The following TRAM2 variants were observed in gnomAD, a reference collection of about 807,000 sequenced individuals.
TRAM2 encodes the protein translocating chain-associated membrane protein 2.
In TRAM2, 12 loss-of-function variants were observed where a neutral mutation model predicts 51.0. The ratio of observed to expected loss-of-function variants is 0.24; its 90% CI spans 0.15 to 0.38. The LOEUF (loss-of-function observed/expected upper bound fraction) is 0.38, where lower values mean the gene tolerates loss of function less well. Among genes scored for constraint, TRAM2 ranks in the 10% least tolerant of loss-of-function variants. The probability of loss-of-function intolerance (pLI) is 1.00; values close to 1 mark genes in which losing one functional copy is unlikely to be tolerated. For missense variants in TRAM2, 361 were observed against 462.0 expected (o/e 0.78, Z 2.00); for synonymous variants, 175 against 179.4 (o/e 0.98, Z 0.20).
intron 1 of TRAM2, among the ~76,000 whole-genome samples, chr6:52,549,446 G>A (rs988426087): frequency 1.3e-5 from 2 of 152,148 alleles, no homozygotes; most frequent in African/African-American, 2.4e-5. Flanking sequence ...AGGCAACATC[G>A]TAACATAAAA....
At chr6:52,518,773 T>G (rs771833497) in intron 2 of TRAM2, among the ~76,000 whole-genome samples, 4 of 152,186 alleles carry the variant, frequency 2.6e-5, no homozygotes, top group African/African-American at 7.2e-5. Flanking sequence ...ACGCCAGGAT[T>G]ACATTTTCCT....
intron 2 of TRAM2, among the ~76,000 whole-genome samples, chr6:52,533,862 C>T (rs537508680): frequency 1.3e-5 from 2 of 152,180 alleles, no homozygotes; most frequent in East Asian, 1.9e-4. Context: ...GAGGCTGAGG[C>T]GGGTAGATTA....
intron 2 of TRAM2, among the ~76,000 whole-genome samples, chr6:52,534,165 T>C (rs1330653603): frequency 1.3e-5 from 2 of 150,268 alleles, no homozygotes; most frequent in Non-Finnish European, 2.9e-5. Context: ...GCAGATCACC[T>C]GAGGTCGGAA....
At chr6:52,541,564 G>A (rs771899182) in intron 1 of TRAM2, among the ~76,000 whole-genome samples, 1 of 152,168 alleles carries the variant, frequency 6.6e-6, no homozygotes, top group Admixed American at 6.5e-5. Flanking sequence ...TTCACTTTGT[G>A]AAGATAAGGT....
At chr6:52,562,079 T>G (rs1343145045) in intron 1 of TRAM2, among the ~76,000 whole-genome samples, 1 of 134,852 alleles carries the variant, frequency 7.4e-6, no homozygotes, top group East Asian at 2.2e-4. Context: ...AATTTAAAAA[T>G]GCAAAAAAAA....
At chr6:52,522,832 C>T (rs1766700909) in intron 2 of TRAM2, 1 of 691,132 alleles carries the variant, frequency 1.4e-6, no homozygotes, top group African/African-American at 1.8e-5. Context: ...TTCTGCTTGA[C>T]CTCCTGCTCC....
chr6:52,505,541 G>A (rs1766331359), intron 9 of TRAM2, 58 bp downstream of exon 9: 1 of 1,538,100 alleles, frequency 6.5e-7, no homozygotes, highest in African/African-American at 1.4e-5. Context: ...TTCTGCAAGG[G>A]CTGTGCCAAG....
intron 1 of TRAM2, among the ~76,000 whole-genome samples, chr6:52,560,736 C>T (rs1196283527): frequency 6.6e-6 from 1 of 152,184 alleles, no homozygotes; most frequent in Non-Finnish European, 1.5e-5. Flanking sequence ...CTCTCAATAA[C>T]CAGCACTGCT....
intron 1 of TRAM2, among the ~76,000 whole-genome samples, chr6:52,541,407 C>T (rs1415911213): frequency 1.3e-5 from 2 of 152,176 alleles, no homozygotes; most frequent in Non-Finnish European, 2.9e-5. Flanking sequence ...CAGCTCAGAA[C>T]GAATGTCCTT....
intron 1 of TRAM2, among the ~76,000 whole-genome samples, chr6:52,566,882 GT>G (rs1198157218): frequency 6.6e-6 from 1 of 152,220 alleles, no homozygotes; most frequent in Non-Finnish European, 1.5e-5. Context: ...GCACCACTGT[GT>G]GTGCTAGACC....
chr6:52,542,890 A>G (rs1194425224), intron 1 of TRAM2, among the ~76,000 whole-genome samples: 1 of 152,258 alleles, frequency 6.6e-6, no homozygotes, highest in African/African-American at 2.4e-5. Context: ...TTTTTAAAAA[A>G]GAGAATAAAG....
chr6:52,576,629 CGGGGTACAGGCCGGA>C (rs1562492720), intron 1 of TRAM2, among the ~76,000 whole-genome samples, 152 bp downstream of exon 1: 1 of 152,142 alleles, frequency 6.6e-6, no homozygotes, highest in Non-Finnish European at 1.5e-5. Flanking sequence ...CTGGGCTGGC[CGGGGTACAGGCCGGA>C]GGGGTACAGT....
At chr6:52,503,912 C>T (rs575210792) in intron 10 of TRAM2, among the ~76,000 whole-genome samples, 14 of 152,278 alleles carry the variant, frequency 9.2e-5, no homozygotes, top group South Asian at 2.1e-4. Flanking sequence ...CCCAGCTGCG[C>T]GCGTGTCTGG....
chr6:52,570,250 G>T (rs985747124), intron 1 of TRAM2, among the ~76,000 whole-genome samples: 1 of 152,202 alleles, frequency 6.6e-6, no homozygotes, highest in Non-Finnish European at 1.5e-5. Flanking sequence ...TAAAGCTCCT[G>T]TGTGTTTGCT....
At position 52,542,281 on chromosome 6, in the gene TRAM2, A is replaced by ATTTTTT. The variant is rs1562484325; in HGVS notation, c.121-6436_121-6435insAAAAAA. 1.7e-3 allele frequency among the ~76,000 whole-genome samples: 216 copies of ATTTTTT among 130,026 alleles called. 1 individual carries two copies. The highest frequency in any genetic ancestry group is 7.6e-3 in the African/African-American group (197 of 25,804). The allele number at this position is 130,026 out of a possible 152,430, so 85.3% of individuals were successfully genotyped here. A position where few individuals can be genotyped will look rare whatever the true frequency, so the allele number is the denominator to read the frequency against. On this transcript the variant is annotated intron_variant, in intron 1 of 10. Coordinates refer to ENST00000182527, the MANE Select transcript of TRAM2 (RefSeq NM_012288.4). ...TTTTGGGTTTTTTTTTTTTTTAAAAAAAATAGTCTTTTAGCCTTTTTTCCT... is the reference window on the plus strand; with the variant it reads ...TTTTGGGTTTTTTTTTTTTTTAAAAATTTTTTAAATAGTCTTTTAGCCTTTTTTCCT...
At chr6:52,574,129 A>G (rs1419024919) in intron 1 of TRAM2, among the ~76,000 whole-genome samples, 1 of 152,170 alleles carries the variant, frequency 6.6e-6, no homozygotes, top group Non-Finnish European at 1.5e-5. Flanking sequence ...CACCATATGC[A>G]TCCCTACATA....
chr6:52,555,751 A>C (rs138648929), intron 1 of TRAM2, among the ~76,000 whole-genome samples: 34 of 152,342 alleles, frequency 2.2e-4, no homozygotes, highest in Non-Finnish European at 4.4e-4. Flanking sequence ...ACATCTCAAA[A>C]TATTTGGATA....
intron 1 of TRAM2, among the ~76,000 whole-genome samples, chr6:52,569,958 A>AAGACTTGGATTCTAGCCCCCGTTTTGCC (rs1767650900): frequency 2.0e-5 from 3 of 152,212 alleles, no homozygotes; most frequent in Non-Finnish European, 4.4e-5. Context: ...GATGAGTCAG[A>AAGACTTGGATTCTAGCCCCCGTTTTGCC]AGACTTGGAT....
At chr6:52,532,551 C>T (rs1766911391) in intron 2 of TRAM2, among the ~76,000 whole-genome samples, 1 of 152,116 alleles carries the variant, frequency 6.6e-6, no homozygotes. Flanking sequence ...AAAACCTTTA[C>T]ATACTACTTA....
Sources: gnomAD v4.1 joint callset for allele counts (sites outside exome capture counted in the v4.1 genomes callset) on GRCh38, gnomAD v4.1.1 for gene constraint, MANE v1.5 for transcripts, NCBI Gene and HGNC (gene_info 2026-07-23, HGNC 2026-07-21) for gene names.